The following NEMP2 variants were observed in gnomAD, a reference collection of about 807,000 sequenced individuals.
NEMP2 encodes nuclear envelope integral membrane protein 2.
In NEMP2, 53 loss-of-function variants were observed where a neutral mutation model predicts 54.2. That is an observed-to-expected ratio of 0.98 (90% CI 0.78 to 1.23). The LOEUF (loss-of-function observed/expected upper bound fraction) is 1.23, where lower values mean the gene tolerates loss of function less well. Ranked by LOEUF, NEMP2 falls within the 50% of genes most tolerant of loss-of-function variation. The pLI is 0.00. For synonymous variants in NEMP2, 197 were observed against 190.3 expected (o/e 1.04, Z -0.29); for missense variants, 455 against 511.3 (o/e 0.89, Z 1.06).
At chr2:190,445,473 G>A in the NEMP2 span, among the ~76,000 whole-genome samples, 79,081 of 147,266 alleles carry the variant, frequency 0.54, 22,163 homozygotes, top group Admixed American at 0.64. Flanking sequence ...AAAAAACCCC[G>A]ACTATACCCT....
the NEMP2 span, among the ~76,000 whole-genome samples, chr2:190,623,183 G>GA: frequency 3.9e-5 from 6 of 151,998 alleles, no homozygotes; most frequent in Non-Finnish European, 7.4e-5. Context: ...CAAAACAAGG[G>GA]AAAAATGTTC....
intron 6 of NEMP2, among the ~76,000 whole-genome samples, chr2:190,515,573 A>G (rs1216937190): frequency 1.3e-5 from 2 of 152,212 alleles, no homozygotes; most frequent in Non-Finnish European, 2.9e-5. Context: ...GGAATAGTGC[A>G]GTATTCAGGG....
chr2:190,599,937 T>C, the NEMP2 span, among the ~76,000 whole-genome samples: 1 of 152,162 alleles, frequency 6.6e-6, no homozygotes, highest in African/African-American at 2.4e-5. Flanking sequence ...CAATGACCTC[T>C]TCCTGCACTG....
chr2:190,633,338 G>A, the NEMP2 span, among the ~76,000 whole-genome samples: 1 of 149,202 alleles, frequency 6.7e-6, no homozygotes, highest in African/African-American at 2.5e-5. Flanking sequence ...TTGGAGACAG[G>A]GTTTCGCTCT....
At chr2:190,517,139 TAAAG>T (rs1363943685) in intron 5 of NEMP2, among the ~76,000 whole-genome samples, 1 of 121,364 alleles carries the variant, frequency 8.2e-6, no homozygotes, top group Admixed American at 7.7e-5. Flanking sequence ...CTAATAATAA[TAAAG>T]AAATTCCCAG....
the NEMP2 span, among the ~76,000 whole-genome samples, chr2:190,592,202 T>C: frequency 6.6e-6 from 1 of 152,126 alleles, no homozygotes; most frequent in African/African-American, 2.4e-5. This position sits in a 1 kb window ranked among gnomAD's most constrained non-coding sequence, Gnocchi z 4.4. Context: ...AATGACCTGG[T>C]TATGTAACTG....
chr2:190,534,544 C>A lies in NEMP2; in HGVS notation c.97+15G>T. ...AGCACGCACGCGCGCGCCGCCGCCGCCGGTCCCGGGTTACCTGATAACGCT... is the reference window on the plus strand; with the variant it reads ...AGCACGCACGCGCGCGCCGCCGCCGACGGTCCCGGGTTACCTGATAACGCT... On this transcript the variant is annotated intron_variant, in intron 1 of 8. Transcript: ENST00000409150. 7.2e-7 allele frequency: 1 copy of A among 1,392,046 alleles called. No homozygotes were observed. The highest frequency in any genetic ancestry group is 1.6e-5 in the South Asian group (1 of 63,238). The allele number at this position is 1,392,046 out of a possible 1,614,324, so 86.2% of individuals were successfully genotyped here.
the NEMP2 span, among the ~76,000 whole-genome samples, chr2:190,640,439 C>A: frequency 6.6e-6 from 1 of 152,064 alleles, no homozygotes; most frequent in Admixed American, 6.6e-5. Flanking sequence ...TTGGAAAAAA[C>A]CCTTATTCTG....
chr2:190,435,474 A>C, the NEMP2 span: 1 of 153,552 alleles, frequency 6.5e-6, no homozygotes, highest in African/African-American at 2.4e-5. Flanking sequence ...CTATAGTTGC[A>C]ACAATGCCAT....
At chr2:190,422,306 C>A in the NEMP2 span, among the ~76,000 whole-genome samples, 1 of 152,128 alleles carries the variant, frequency 6.6e-6, no homozygotes, top group Non-Finnish European at 1.5e-5. Flanking sequence ...GGTTGCCCTT[C>A]AAAGTTGTCA....
At chr2:190,457,003 C>A in the NEMP2 span, among the ~76,000 whole-genome samples, 1 of 152,196 alleles carries the variant, frequency 6.6e-6, no homozygotes, top group Non-Finnish European at 1.5e-5. The surrounding 1 kb of genome is among the most constrained non-coding windows in gnomAD (Gnocchi z 5.1). Context: ...CATAAACGTT[C>A]ATCCAGCTTC....
At chr2:190,633,311 C>CTTTTTTT in the NEMP2 span, among the ~76,000 whole-genome samples, 1 of 132,502 alleles carries the variant, frequency 7.5e-6, no homozygotes, top group Non-Finnish European at 1.6e-5. Context: ...TCAACTTTTC[C>CTTTTTTT]TTTTTTTTTT....
At chr2:190,559,674 A>C in the NEMP2 span, among the ~76,000 whole-genome samples, 1 of 152,212 alleles carries the variant, frequency 6.6e-6, no homozygotes, top group East Asian at 1.9e-4. The surrounding 1 kb of genome is among the most constrained non-coding windows in gnomAD (Gnocchi z 4.0). Context: ...GCAATTAGGA[A>C]GCTATTATAT....
In NEMP2 at chr2:190,513,754, A is replaced by C. The variant is rs773896707; in HGVS notation, c.953+699T>G. Among the ~76,000 whole-genome samples the C allele has an allele frequency of 6.6e-5, 10 of 152,214 alleles. No homozygotes were observed. Among genetic ancestry groups the C allele is most frequent in the Non-Finnish European group, 1.3e-4 (9 of 68,036 alleles). ...AGATTCAGCGTAGTAATATCTCTCC[A>C]GGAAAGCTCTCCTGGCTTTCTCTAT... is the stretch of plus-strand genomic sequence containing the variant. On this transcript the variant is annotated intron_variant, in intron 7 of 8. Transcript: ENST00000409150. The surrounding 1 kb of genome is among the most constrained non-coding windows in gnomAD (Gnocchi z 5.3).
At chr2:190,576,853 G>C in the NEMP2 span, among the ~76,000 whole-genome samples, 1 of 152,206 alleles carries the variant, frequency 6.6e-6, no homozygotes, top group African/African-American at 2.4e-5. Context: ...TTAATATAGG[G>C]AGTAAGTAGG....
At chr2:190,434,803 T>C in the NEMP2 span, among the ~76,000 whole-genome samples, 2 of 152,200 alleles carry the variant, frequency 1.3e-5, no homozygotes, top group Admixed American at 6.5e-5. This position sits in a 1 kb window ranked among gnomAD's most constrained non-coding sequence, Gnocchi z 4.3. Flanking sequence ...TAGTGTGTCT[T>C]AGAGCAGGGT....
At chr2:190,638,404 A>G in the NEMP2 span, among the ~76,000 whole-genome samples, 1 of 152,090 alleles carries the variant, frequency 6.6e-6, no homozygotes, top group Non-Finnish European at 1.5e-5. This position sits in a 1 kb window ranked among gnomAD's most constrained non-coding sequence, Gnocchi z 5.7. Flanking sequence ...ACAATAAGCC[A>G]CACAGAGGGG....
chr2:190,630,451 T>G, the NEMP2 span, among the ~76,000 whole-genome samples: 1 of 152,102 alleles, frequency 6.6e-6, no homozygotes. The surrounding 1 kb of genome is among the most constrained non-coding windows in gnomAD (Gnocchi z 5.5). Flanking sequence ...CTCCTGACCT[T>G]GTGATCTGCC....
At chr2:190,477,946 TG>T in the NEMP2 span, among the ~76,000 whole-genome samples, 34,140 of 152,080 alleles carry the variant, frequency 0.22, 4,958 homozygotes, top group South Asian at 0.34. Context: ...CATTCCAGCA[TG>T]GGGGAAGAGC....
Sources: gnomAD v4.1 joint callset for allele counts (sites outside exome capture counted in the v4.1 genomes callset) on GRCh38, gnomAD v4.1.1 for gene constraint, Gnocchi (gnomAD v3.1) non-coding constraint, MANE v1.5 for transcripts, NCBI Gene and HGNC (gene_info 2026-07-23, HGNC 2026-07-21) for gene names.